Variants in C22orf42 observed in about 807,000 individuals in gnomAD.
The protein encoded by C22orf42 is chromosome 22 open reading frame 42.
A neutral mutation model predicts 31.4 loss-of-function variants in C22orf42; 24 were observed. The ratio of observed to expected loss-of-function variants is 0.77; its 90% CI spans 0.55 to 1.08. The LOEUF is 1.08. C22orf42 is among the 50% of genes least tolerant of loss of function. C22orf42 has a pLI of 0.00. For missense variants in C22orf42, 276 were observed against 327.3 expected, an observed-to-expected ratio of 0.84 and a Z score of 1.21; for synonymous variants, 96 against 112.7, an observed-to-expected ratio of 0.85 and a Z score of 0.94.
chr22:32,151,736 GAA>G (rs1278295483), intron 4 of C22orf42, among the ~76,000 whole-genome samples, 185 bp from the exon 5 acceptor site: 2 of 152,184 alleles, frequency 1.3e-5, no homozygotes, highest in Non-Finnish European at 2.9e-5. Flanking sequence ...AGAAAGAAAT[GAA>G]AGAGCCTTGG....
chr22:32,151,108 TAAAA>T, intron 5 of C22orf42, 89 bp from the exon 6 acceptor site: 1 of 1,346,330 alleles, frequency 7.4e-7, no homozygotes, highest in South Asian at 1.3e-5. Context: ...CCTGGTGAAA[TAAAA>T]AACCGGATGT....
chr22:32,152,202 C>G (rs1324410772), intron 3 of C22orf42, 108 bp from the exon 4 acceptor site: 8 of 1,355,792 alleles, frequency 5.9e-6, no homozygotes, highest in African/African-American at 1.5e-5. Flanking sequence ...GGATGTGAAA[C>G]AGTGATCAAG....
upstream of C22orf42, chr22:32,159,650 G>A (rs1244252875): frequency 2.7e-5 from 6 of 220,644 alleles, no homozygotes; most frequent in Admixed American, 1.1e-4. Context: ...GGCAGCTTTC[G>A]TTTGCTCACC....
chr22:32,151,661 A>G (rs1004949085), intron 4 of C22orf42, 110 bp from the exon 5 acceptor site: 16 of 997,460 alleles, frequency 1.6e-5, no homozygotes, highest in Non-Finnish European at 2.6e-5. Flanking sequence ...GGCGGTTGAC[A>G]GGCATGGACT....
upstream of C22orf42, chr22:32,159,489 C>T: frequency 1.5e-6 from 2 of 1,321,252 alleles, no homozygotes; most frequent in Non-Finnish European, 1.9e-6. Context: ...GTGGTGACTG[C>T]ATTATTCATC....
intron 1 of C22orf42, among the ~76,000 whole-genome samples, chr22:32,157,840 G>A (rs536465729): frequency 6.6e-6 from 1 of 152,412 alleles, no homozygotes; most frequent in African/African-American, 2.4e-5. Context: ...CGACCCCACA[G>A]ACCCACCCAA....
At chr22:32,159,366 A>G, upstream of C22orf42, 1 of 1,434,820 alleles carries the variant, frequency 7.0e-7, no homozygotes, top group Non-Finnish European at 9.1e-7. Flanking sequence ...CCTGGTTGCC[A>G]GGAAACAACC....
Position 32,150,349 on chromosome 22 carries a change from G to C in C22orf42, c.624C>G (p.Val208=). The change falls in exon 7 of 9, where the codon GTC becomes GTG. Residue 208 remains valine (V), a synonymous_variant. Transcript: ENST00000382097. The part of the protein sequence containing the change: ...MTSGLSESLS[V]SLEDLMTPEM... ...CCGGTGTCATGAGGTCTTCAAGAGA[G>C]ACAGATAGGCTTTCACTGAGACCTG... 6.2e-7 allele frequency: 1 copy of C among 1,614,094 alleles called. No individual in the cohort carries two copies. Among genetic ancestry groups the C allele is most frequent in the Non-Finnish European group, 8.5e-7 (1 of 1,179,982 alleles).
At chr22:32,151,066 G>T in intron 5 of C22orf42, 47 bp from the exon 6 acceptor site, 1 of 1,599,068 alleles carries the variant, frequency 6.3e-7, no homozygotes, top group Non-Finnish European at 8.5e-7. Context: ...ATCAGATCTT[G>T]CTGGGTTCTG....
chr22:32,150,709 A>G (rs1246934928), intron 6 of C22orf42: 3 of 624,426 alleles, frequency 4.8e-6, no homozygotes, highest in East Asian at 5.5e-5. Context: ...AATGTGAAAT[A>G]GTCACCTTAA....
Position 32,151,358 on chromosome 22 carries a change from C to G in C22orf42, c.465+129G>C, listed in dbSNP as rs541061090. The G allele has an allele frequency of 6.6e-6, 6 of 914,736 alleles. No homozygotes were observed. The East Asian group carries it at 1.0e-4, about 16-fold the overall frequency. The allele number at this position is 914,736 out of a possible 1,614,324, so 56.7% of individuals were successfully genotyped here. ...TCAGTTGGTCATAACCTCCAGTGACCGGTCGCTAGAGTCCATGACACTGAG... is the reference window on the plus strand; with the variant it reads ...TCAGTTGGTCATAACCTCCAGTGACGGGTCGCTAGAGTCCATGACACTGAG... On this transcript the variant is annotated intron_variant, in intron 5 of 8. Transcript: ENST00000382097.
intron 1 of C22orf42, among the ~76,000 whole-genome samples, chr22:32,157,412 A>G (rs3865718): frequency 0.078 from 11,542 of 148,142 alleles, 801 homozygotes; most frequent in African/African-American, 0.2. Context: ...CTACGTGTAC[A>G]AGGCCTTAGC....
chr22:32,149,817 A>T, intron 7 of C22orf42, 37 bp from the exon 8 acceptor site: 1 of 1,476,030 alleles, frequency 6.8e-7, no homozygotes, highest in Non-Finnish European at 9.0e-7. Flanking sequence ...TGAGGATCGG[A>T]TCATGCTGGG....
In C22orf42 at chr22:32,159,143, C is replaced by G. The variant is rs774715589; in HGVS notation, c.73G>C (p.Gly25Arg). The change falls in exon 1 of 9, where the codon GGA becomes CGA. Residue 25 changes from glycine to arginine, a missense_variant. By Grantham distance (125) the Gly-to-Arg change is moderately radical (BLOSUM62 -2). Transcript: ENST00000382097. ...GGAATCTCACACTCATGGCAGGGTCCCACATCTGGCCTGCAGCAGTCACAG... is the reference window on the plus strand; with the variant it reads ...GGAATCTCACACTCATGGCAGGGTCGCACATCTGGCCTGCAGCAGTCACAG... ...LNCDCCRPDV[G>R]PCHECEIPET... is the part of the protein sequence containing the mutation. 6.2e-7 allele frequency: 1 copy of G among 1,614,040 alleles called. No individual in the cohort carries two copies. Among genetic ancestry groups the G allele is most frequent in the Admixed American group, 1.7e-5 (1 of 60,004 alleles).
intron 8 of C22orf42, 35 bp downstream of exon 8, chr22:32,149,718 T>A: frequency 8.4e-7 from 1 of 1,185,594 alleles, no homozygotes; most frequent in African/African-American, 1.6e-5. Context: ...TATCTACATA[T>A]ATATCTATAT....
Position 32,150,996 on chromosome 22 carries a change from G to A in C22orf42, c.489C>T (p.Asp163=). ...SDIEISEAKH[D]HHLVEDLSES... ...TGTTTAAAAAAAAATACGTACGGTG[G>A]TCGTGCTTGGCCTCAGATATTTCCT... is the stretch of plus-strand genomic sequence containing the variant. Residue 163 remains aspartate, a synonymous_variant, in exon 6 of 9, where the codon GAC becomes GAT. Transcript: ENST00000382097. 1.2e-6 allele frequency: 2 copies of A among 1,612,136 alleles called. No individual in the cohort carries two copies. The highest frequency in any genetic ancestry group is 1.1e-5 in the South Asian group (1 of 90,498).
Position 32,150,493 on chromosome 22 carries a change from G to A in C22orf42, c.494-14C>T. The A allele has an allele frequency of 6.2e-7, 1 of 1,613,966 alleles. No homozygotes were observed. Among genetic ancestry groups the A allele is most frequent in the East Asian group, 2.2e-5 (1 of 44,878 alleles). On this transcript the variant is annotated splice_polypyrimidine_tract_variant and intron_variant, in intron 6 of 8. Transcript: ENST00000382097. ...CTTCGACCAAATCTAGGAGAACATAGTGACAGTCAGTGCATTGGTGCTGCT... is the reference window on the plus strand; with the variant it reads ...CTTCGACCAAATCTAGGAGAACATAATGACAGTCAGTGCATTGGTGCTGCT...
In C22orf42 at chr22:32,149,769, T is replaced by G. The variant is rs375489236; in HGVS notation, c.666A>C (p.Arg222Ser). The stretch of plus-strand genomic sequence containing the variant: ...TATACTTACAGAGGTAATCTTCATA[T>G]CTCTCCTTTGCCTGCAATAGGAGAA... Reference protein sequence around the residue: ...DLMTPEMAKERYEDYLCWVKM... With the variant: ...DLMTPEMAKESYEDYLCWVKM... Residue 222 changes from arginine (R) to serine (S), a missense_variant, in exon 8 of 9, where the codon AGA becomes AGC. Transcript: ENST00000382097. 1.1e-5 allele frequency: 16 copies of G among 1,482,566 alleles called. No individual in the cohort carries two copies. In the African/African-American group the frequency reaches 2.3e-4, roughly 21 times the overall value. The allele number at this position is 1,482,566 out of a possible 1,614,324, so 91.8% of individuals were successfully genotyped here.
Position 32,159,085 on chromosome 22 carries a change from G to A in C22orf42, c.131C>T (p.Thr44Ile), listed in dbSNP as rs1921444659. 6.2e-7 allele frequency: 1 copy of A among 1,614,074 alleles called. No homozygotes were observed. Among genetic ancestry groups the A allele is most frequent in the Non-Finnish European group, 8.5e-7 (1 of 1,180,042 alleles). Reference protein sequence around the residue: ...ETVAATAPASTTAKPAKLDLK... With the variant: ...ETVAATAPASITAKPAKLDLK... Reference sequence around the variant, plus strand: ...ATCCAATTTGGCAGGCTTTGCAGTGGTGGATGCTGGTGCTGTGGCTGCCAC... The same window carrying A: ...ATCCAATTTGGCAGGCTTTGCAGTGATGGATGCTGGTGCTGTGGCTGCCAC... The change falls in exon 1 of 9, where the codon ACC becomes ATC. Residue 44 changes from threonine to isoleucine, a missense_variant. Transcript: ENST00000382097.
Sources: allele counts gnomAD v4.1 joint callset (sites outside exome capture counted in the v4.1 genomes callset), GRCh38; gene constraint gnomAD v4.1.1; transcripts MANE v1.5; gene names NCBI Gene and HGNC (gene_info 2026-07-23, HGNC 2026-07-21).